BCOR: variants seen among roughly 807,000 people sequenced by gnomAD.
BCOR encodes BCL6 corepressor.
A neutral mutation model predicts 86.7 loss-of-function variants in BCOR; 10 were observed. The observed-to-expected ratio is 0.12, with a 90% CI of 0.07 to 0.20. The LOEUF (loss-of-function observed/expected upper bound fraction) is 0.20, where lower values mean the gene tolerates loss of function less well. Among genes scored for constraint, BCOR ranks in the 10% least tolerant of loss-of-function variants. BCOR has a pLI of 1.00. For missense variants in BCOR, 1,259 were observed against 1,452.1 expected (o/e 0.87, Z 2.16); for synonymous variants, 611 against 609.0 (o/e 1.00, Z -0.05).
At chrX:40,172,206 A>T (rs1938639095) in intron 1 of BCOR, among the ~76,000 whole-genome samples, 1 of 112,790 alleles carries the variant, frequency 8.9e-6, no homozygotes, top group African/African-American at 3.2e-5. Context: ...CCGGAGGCTC[A>T]GCCACCTTCG....
At position 40,052,188 on chromosome X, in the gene BCOR, G is replaced by A. The variant is rs2146825290; in HGVS notation, c.5189C>T (p.Thr1730Met). Residue 1730 changes from threonine to methionine, a missense_variant, in exon 15 of 15, where the codon ACG (threonine) becomes ATG (methionine). Thr to Met is a moderately conservative substitution (Grantham distance 81). Transcript: ENST00000378444. Reference protein sequence around the residue: ...SKELLDLVEFTNEIQTLLGSS... With the variant: ...SKELLDLVEFMNEIQTLLGSS... ...GCCCAGCAGAGTCTGAATTTCGTTCGTGAATTCCACCAGATCTAACAGCTC... is the reference window on the plus strand; with the variant it reads ...GCCCAGCAGAGTCTGAATTTCGTTCATGAATTCCACCAGATCTAACAGCTC... The A allele has an allele frequency of 2.5e-6, 3 of 1,210,839 alleles. No homozygotes were observed. Among genetic ancestry groups the A allele is most frequent in the South Asian group, 1.8e-5 (1 of 56,738 alleles).
At chrX:40,104,166 G>A (rs1301082034) in intron 1 of BCOR, among the ~76,000 whole-genome samples, 1 of 111,508 alleles carries the variant, frequency 9.0e-6, no homozygotes, top group Admixed American at 9.5e-5. Flanking sequence ...TCGCGGCTGG[G>A]TTTTCCTTCT....
At chrX:40,058,841 G>A (rs1934728387) in intron 10 of BCOR, among the ~76,000 whole-genome samples, 1 of 111,786 alleles carries the variant, frequency 8.9e-6, no homozygotes, top group Non-Finnish European at 1.9e-5. Context: ...CCAGGATACC[G>A]CATGAAGCTG....
intron 6 of BCOR, among the ~76,000 whole-genome samples, chrX:40,067,044 T>C (rs771555506): frequency 1.4e-4 from 15 of 108,571 alleles, no homozygotes; most frequent in Non-Finnish European, 2.9e-4. Flanking sequence ...TTTGTAACAA[T>C]CTCAACCAAG....
At chrX:40,170,001 G>C (rs1938586576) in intron 1 of BCOR, among the ~76,000 whole-genome samples, 1 of 112,654 alleles carries the variant, frequency 8.9e-6, no homozygotes. Context: ...TCCCCAGCGC[G>C]CCTGGGCACC....
chrX:40,150,532 A>G (rs759829087), intron 1 of BCOR, among the ~76,000 whole-genome samples: 11 of 111,990 alleles, frequency 9.8e-5, no homozygotes, highest in South Asian at 7.4e-4. Flanking sequence ...AGAGGTGGAA[A>G]ATGACAGTTA....
intron 1 of BCOR, among the ~76,000 whole-genome samples, chrX:40,175,091 A>G (rs747989415): frequency 9.6e-6 from 1 of 103,682 alleles, no homozygotes; most frequent in East Asian, 3.2e-4. Context: ...GAGGCCGTCC[A>G]TATTAATACT....
chrX:40,164,059 C>T (rs1938469143), intron 1 of BCOR, among the ~76,000 whole-genome samples: 1 of 111,393 alleles, frequency 9.0e-6, no homozygotes, highest in African/African-American at 3.3e-5. Flanking sequence ...CAGCTTCAGC[C>T]TTATTTACTG....
chrX:40,074,929 T>C lies in BCOR; in HGVS notation c.417A>G (p.Gly139=), dbSNP rs1319261676. ...PETVEASAVS[G]KPPNGFSAIY... is the part of the protein sequence containing the mutation. ...TAGCACTGAAGCCATTTGGGGGTTT[T>C]CCAGAGACGGCAGAAGCCTCCACTG... Residue 139 remains glycine, a synonymous_variant, in exon 4 of 15, where the codon GGA becomes GGG. Transcript: ENST00000378444. 2.5e-6 allele frequency: 3 copies of C among 1,211,323 alleles called. No individual in the cohort carries two copies. Among genetic ancestry groups the C allele is most frequent in the Non-Finnish European group, 3.4e-6 (3 of 895,402 alleles).
rs767843703 is a variant in BCOR, at chrX:40,077,811, C to T, written c.86+33G>A. 7 of 1,177,215 alleles carry T rather than the reference C, an allele frequency of 5.9e-6. No individual in the cohort carries two copies. The Admixed American group carries it at 6.5e-5, about 11-fold the overall frequency. On this transcript the variant is annotated intron_variant, in intron 2 of 14. Coordinates refer to ENST00000378444, the MANE Select transcript of BCOR (RefSeq NM_001123385.2). ...GGGGGCTTCAGCATGGGCGTGGGCT[C>T]CACTCAGGCCCGGCCCAGATGGGCG...
intron 12 of BCOR, among the ~76,000 whole-genome samples, chrX:40,054,689 C>G (rs141870010): frequency 0.022 from 2,475 of 111,666 alleles, 65 homozygotes; most frequent in African/African-American, 0.076. Flanking sequence ...TTTTAGTAGA[C>G]ACAGGGTTTT....
intron 1 of BCOR, among the ~76,000 whole-genome samples, chrX:40,132,775 G>A (rs745973185): frequency 8.9e-6 from 1 of 112,301 alleles, no homozygotes; most frequent in Admixed American, 9.4e-5. Flanking sequence ...CCCTTCTCAC[G>A]GTGCCCCCCT....
chrX:40,065,752 A>G (rs750355770), intron 6 of BCOR, among the ~76,000 whole-genome samples: 60 of 111,936 alleles, frequency 5.4e-4, no homozygotes, highest in Non-Finnish European at 9.2e-4. Context: ...TCTCATCACC[A>G]GGGTTATGAG....
At chrX:40,151,400 G>A (rs1256425074) in intron 1 of BCOR, among the ~76,000 whole-genome samples, 2 of 112,932 alleles carry the variant, frequency 1.8e-5, no homozygotes, top group Non-Finnish European at 1.9e-5. Flanking sequence ...CCCTCCCTCC[G>A]GGACTGTCAC....
At chrX:40,157,233 A>C (rs941995472) in intron 1 of BCOR, among the ~76,000 whole-genome samples, 6 of 112,297 alleles carry the variant, frequency 5.3e-5, no homozygotes, top group African/African-American at 1.9e-4. Context: ...CTTGGCCCTA[A>C]TCAGGGGAGC....
chrX:40,110,523 C>A (rs1222212458), intron 1 of BCOR, among the ~76,000 whole-genome samples: 1 of 109,235 alleles, frequency 9.2e-6, no homozygotes, highest in Non-Finnish European at 1.9e-5. Flanking sequence ...CCCCTAGCTT[C>A]CTGTCTTATC....
intron 11 of BCOR, among the ~76,000 whole-genome samples, chrX:40,056,870 G>A (rs1421808707): frequency 8.9e-6 from 1 of 112,181 alleles, no homozygotes; most frequent in Non-Finnish European, 1.9e-5. Flanking sequence ...GAAGAGTCCA[G>A]GGTCTTAAAA....
chrX:40,062,078 CCA>C, intron 10 of BCOR, 59 bp downstream of exon 10: 2 of 1,160,475 alleles, frequency 1.7e-6, no homozygotes, highest in Non-Finnish European at 2.3e-6. Context: ...CCCTCGCCCA[CCA>C]CAGTCCGCAG....
rs780939160 is a variant in BCOR at position 40,146,879 on chromosome X, C to T, written c.-41+30128G>A. On this transcript the variant is annotated intron_variant, in intron 1 of 14. Transcript: ENST00000342274. Reference sequence around the variant, plus strand: ...TTCCTGGCCTCCCCGACGCAGACACCGCTGTCAGCCCCCTCCTTTCTTCGC... The same window carrying T: ...TTCCTGGCCTCCCCGACGCAGACACTGCTGTCAGCCCCCTCCTTTCTTCGC... Among the ~76,000 whole-genome samples, 936 of 112,557 alleles carry T rather than the reference C, an allele frequency of 8.3e-3. 5 individuals are homozygous for T. Among genetic ancestry groups the T allele is most frequent in the Non-Finnish European group, 0.012 (662 of 53,162 alleles).
Sources: gnomAD v4.1 joint callset for allele counts (sites outside exome capture counted in the v4.1 genomes callset) on GRCh38, gnomAD v4.1.1 for gene constraint, MANE v1.5 for transcripts, NCBI Gene and HGNC (gene_info 2026-07-23, HGNC 2026-07-21) for gene names.